TERF2IP: variants seen among roughly 807,000 people sequenced by gnomAD.
TERF2IP encodes telomeric repeat-binding factor 2-interacting protein 1.
Under a neutral mutation model 33.3 loss-of-function variants are expected in TERF2IP, and 35 were observed. The ratio of observed to expected loss-of-function variants is 1.05; its 90% confidence interval spans 0.80 to 1.39. TERF2IP has a LOEUF of 1.39. TERF2IP is among the 40% of genes most tolerant of loss of function. TERF2IP has a pLI of 0.00. For missense variants in TERF2IP, 583 were observed against 524.8 expected (o/e 1.11, Z -1.08); for synonymous variants, 253 against 223.2 (o/e 1.13, Z -1.19).
Position 75,648,468 on chromosome 16 carries a change from C to A in TERF2IP, c.586C>A (p.Leu196Met). 2 of 1,597,516 alleles carry A rather than the reference C, an allele frequency of 1.3e-6. No individual in the cohort carries two copies. The highest frequency in any genetic ancestry group is 1.3e-5 in the African/African-American group (1 of 74,944). ...CCTGCGGGGCCAGGAGCATAAGTACCTGCTGGGGGACGCGCCGGTGAGCCC... is the reference window on the plus strand; with the variant it reads ...CCTGCGGGGCCAGGAGCATAAGTACATGCTGGGGGACGCGCCGGTGAGCCC... ...KHLRGQEHKY[L>M]LGDAPVSPSS... Residue 196 changes from leucine (L) to methionine (M), a missense_variant, in exon 1 of 3, where the codon CTG becomes ATG. Leu to Met is a conservative substitution (Grantham distance 15, BLOSUM62 2). Coordinates refer to ENST00000300086, the MANE Select transcript of TERF2IP (RefSeq NM_018975.4).
rs373007898 is a variant in TERF2IP at position 75,653,167 on chromosome 16, A to G, written c.671-1106A>G. Reference sequence around the variant, plus strand: ...ATTTTGTTTTTCCATTAATGTATCAATTGACATTTGGCTTATTTCCATCTT... The same window carrying G: ...ATTTTGTTTTTCCATTAATGTATCAGTTGACATTTGGCTTATTTCCATCTT... On this transcript the variant is annotated intron_variant, in intron 1 of 2. Coordinates refer to ENST00000300086, the MANE Select transcript of TERF2IP (RefSeq NM_018975.4). Among the ~76,000 whole-genome samples, 7 of 152,264 alleles carry G rather than the reference A, an allele frequency of 4.6e-5. No homozygotes were observed. In the East Asian group the frequency reaches 5.8e-4, roughly 13 times the overall value.
chr16:75,648,065 C>T lies in TERF2IP; in HGVS notation c.183C>T (p.Ala61=), dbSNP rs746076885. The change falls in exon 1 of 3, where the codon GCC becomes GCT. Residue 61 remains alanine, a synonymous_variant. Coordinates refer to ENST00000300086, the MANE Select transcript of TERF2IP (RefSeq NM_018975.4). Reference sequence around the variant, plus strand: ...TGTGCCGAGTGCAGGAGCCCGGGGCCGTGCTGCTGGCCCAGCCCGGGGAGG... The same window carrying T: ...TGTGCCGAGTGCAGGAGCCCGGGGCTGTGCTGCTGGCCCAGCCCGGGGAGG... ...GTVCRVQEPG[A]VLLAQPGEAL... 12 of 1,589,182 alleles carry T rather than the reference C, an allele frequency of 7.6e-6. No individual in the cohort carries two copies. The Admixed American group carries it at 2.0e-4, about 26-fold the overall frequency.
chr16:75,648,566 G>A lies in TERF2IP; in HGVS notation c.670+14G>A. ...CGGATAGCGGGGGTGAGGAGGCTGA[G>A]CGCGGGGCCTCGCGGATATCTGCGC... On this transcript the variant is annotated intron_variant, in intron 1 of 2. Transcript: ENST00000300086. 17 of 1,526,764 alleles carry A rather than the reference G, an allele frequency of 1.1e-5. No homozygotes were observed. Among genetic ancestry groups the A allele is most frequent in the Non-Finnish European group, 1.5e-5 (17 of 1,132,374 alleles). The allele number at this position is 1,526,764 out of a possible 1,614,324, so 94.6% of individuals were successfully genotyped here.
chr16:75,650,946 T>A (rs571927749), intron 1 of TERF2IP, among the ~76,000 whole-genome samples: 1 of 152,172 alleles, frequency 6.6e-6, no homozygotes, highest in African/African-American at 2.4e-5. Flanking sequence ...CTTTTGATAA[T>A]CAGATATTTA....
In TERF2IP at chr16:75,647,945, C is replaced by A; in HGVS notation, c.63C>A (p.Phe21Leu). The A allele has an allele frequency of 6.2e-7, 1 of 1,613,606 alleles. No homozygotes were observed. Among genetic ancestry groups the A allele is most frequent in the Non-Finnish European group, 8.5e-7 (1 of 1,179,686 alleles). The change falls in exon 1 of 3, where the codon TTC (phenylalanine) becomes TTA (leucine). Residue 21 changes from phenylalanine (F) to leucine (L), a missense_variant. Phe to Leu is a conservative substitution (Grantham distance 22). Transcript: ENST00000300086. ...PNGPTHSSTLFVRDDGSSMSF... is the reference protein window; with the variant it reads ...PNGPTHSSTLLVRDDGSSMSF... Reference sequence around the variant, plus strand: ...GGCCCACCCATTCCTCGACTCTGTTCGTGAGGGACGACGGCAGCTCCATGT... The same window carrying A: ...GGCCCACCCATTCCTCGACTCTGTTAGTGAGGGACGACGGCAGCTCCATGT...
At chr16:75,648,746 G>C (rs937491357) in intron 1 of TERF2IP, 194 bp downstream of exon 1, 1 of 1,408,950 alleles carries the variant, frequency 7.1e-7, no homozygotes, top group Non-Finnish European at 9.3e-7. Context: ...CTTTTTTTGC[G>C]ATGGGTCTCT....
chr16:75,656,784 G>A lies in TERF2IP; in HGVS notation c.*173G>A. ...TGTAGCCAAGCAGAGTTGTAGAGGGGGATAAAAAGAAAAGAAATTGGATGT... is the reference window on the plus strand; with the variant it reads ...TGTAGCCAAGCAGAGTTGTAGAGGGAGATAAAAAGAAAAGAAATTGGATGT... On this transcript the variant is annotated 3_prime_UTR_variant, in exon 3 of 3. Coordinates refer to ENST00000300086, the MANE Select transcript of TERF2IP (RefSeq NM_018975.4). 2 of 609,742 alleles carry A rather than the reference G, an allele frequency of 3.3e-6. No individual in the cohort carries two copies. The highest frequency in any genetic ancestry group is 2.2e-5 in the South Asian group (1 of 44,776). 37.8% of individuals were successfully genotyped at this position (609,742 alleles called of 1,614,324 possible). A position where few individuals can be genotyped will look rare whatever the true frequency, so the allele number is the denominator to read the frequency against.
At chr16:75,654,434 A>G (rs914238016) in intron 2 of TERF2IP, 37 bp downstream of exon 2, 7 of 1,597,082 alleles carry the variant, frequency 4.4e-6, no homozygotes, top group East Asian at 2.2e-5. Context: ...TTTTTTCCCT[A>G]CCTTCATTCT....
Position 75,648,308 on chromosome 16 carries a change from A to G in TERF2IP, c.426A>G (p.Val142=). Residue 142 remains valine, a synonymous_variant, in exon 1 of 3, where the codon GTA becomes GTG. Coordinates refer to ENST00000300086, the MANE Select transcript of TERF2IP (RefSeq NM_018975.4). ...TCGCCTTCACGGATGCGGACGACGT[A>G]GCCATCCTTACCTACGTGAAGGAAA... ...GRIAFTDADD[V]AILTYVKENA... is the part of the protein sequence containing the mutation. 1.9e-6 allele frequency: 3 copies of G among 1,559,196 alleles called. No homozygotes were observed. Among genetic ancestry groups the G allele is most frequent in the Non-Finnish European group, 2.6e-6 (3 of 1,151,370 alleles).
intron 1 of TERF2IP, 169 bp downstream of exon 1, chr16:75,648,721 T>C (rs946261948): frequency 7.0e-7 from 1 of 1,427,228 alleles, no homozygotes; most frequent in Non-Finnish European, 9.1e-7. Flanking sequence ...CGCTCCCTTG[T>C]TGTTTATTAT....
At chr16:75,653,752 G>C (rs1388584683) in intron 1 of TERF2IP, among the ~76,000 whole-genome samples, 1 of 152,086 alleles carries the variant, frequency 6.6e-6, no homozygotes, top group Admixed American at 6.5e-5. Context: ...GCCCCAGCTT[G>C]GTCAGTTCTG....
intron 1 of TERF2IP, among the ~76,000 whole-genome samples, chr16:75,653,722 G>A (rs536065578): frequency 6.6e-6 from 1 of 152,166 alleles, no homozygotes; most frequent in Non-Finnish European, 1.5e-5. Context: ...TATTTGCAGA[G>A]TTACAAAGTC....
Position 75,648,240 on chromosome 16 carries a change from G to T in TERF2IP, c.358G>T (p.Glu120Ter). 1 of 1,545,200 alleles carries T rather than the reference G, an allele frequency of 6.5e-7. No homozygotes were observed. The highest frequency in any genetic ancestry group is 8.7e-7 in the Non-Finnish European group (1 of 1,145,016). Residue 120 changes from glutamate (E) to a stop codon, truncating the protein, a stop_gained, in exon 1 of 3, where the codon GAG (glutamate) becomes TAG (stop). Coordinates refer to ENST00000300086, the MANE Select transcript of TERF2IP (RefSeq NM_018975.4). LOFTEE classifies it high-confidence loss of function. ...GSEAKPGALA[E>*]GAAEPEPQRH... ...GGAAGCAAAGCCCGGGGCCCTGGCC[G>T]AGGGCGCCGCGGAGCCGGAGCCGCA...
Position 75,656,656 on chromosome 16 carries a change from G to A in TERF2IP, c.*45G>A. Reference sequence around the variant, plus strand: ...AGAAAAAAGTCATGGTAGGTGAGGTGGTTAAAAAAAATTGTGACCAATGAA... The same window carrying A: ...AGAAAAAAGTCATGGTAGGTGAGGTAGTTAAAAAAAATTGTGACCAATGAA... On this transcript the variant is annotated 3_prime_UTR_variant, in exon 3 of 3. Coordinates refer to ENST00000300086, the MANE Select transcript of TERF2IP (RefSeq NM_018975.4). 1.3e-6 allele frequency: 2 copies of A among 1,524,056 alleles called. No homozygotes were observed. Among genetic ancestry groups the A allele is most frequent in the South Asian group, 1.3e-5 (1 of 76,356 alleles). The allele number at this position is 1,524,056 out of a possible 1,614,324, so 94.4% of individuals were successfully genotyped here.
In TERF2IP at chr16:75,648,344, GC is replaced by G; in HGVS notation, c.465del (p.Ser156AlafsTer25). 1 of 1,589,972 alleles carries G rather than the reference GC, an allele frequency of 6.3e-7. No homozygotes were observed. Among genetic ancestry groups the G allele is most frequent in the Non-Finnish European group, 8.6e-7 (1 of 1,168,644 alleles). ...LTYVKENARS[P>X]SSVTGNALWK... ...CCTACGTGAAGGAAAATGCCCGCTC[GC>G]CCAGCTCCGTCACCGGTAACGCCTT... On this transcript the variant is annotated frameshift_variant, in exon 1 of 3. Transcript: ENST00000300086. LOFTEE classifies it high-confidence loss of function.
intron 1 of TERF2IP, 78 bp from the exon 2 acceptor site, chr16:75,654,195 A>G: frequency 2.6e-6 from 3 of 1,157,512 alleles, no homozygotes; most frequent in Admixed American, 2.4e-5. Context: ...CTCCTGGCCC[A>G]GAGCTCACAC....
chr16:75,652,182 T>C (rs2082352642), intron 1 of TERF2IP, among the ~76,000 whole-genome samples: 2 of 152,220 alleles, frequency 1.3e-5, no homozygotes, highest in Admixed American at 1.3e-4. Context: ...CTGGGTCCTT[T>C]CCTAGGGGCA....
chr16:75,655,077 T>C (rs557714693), intron 2 of TERF2IP, among the ~76,000 whole-genome samples: 45 of 152,178 alleles, frequency 3.0e-4, no homozygotes, highest in Admixed American at 5.9e-4. Flanking sequence ...AGTGCAGTGG[T>C]GCCATCTCAG....
intron 2 of TERF2IP, among the ~76,000 whole-genome samples, chr16:75,655,051 CTG>C (rs1323542429): frequency 6.6e-6 from 1 of 152,142 alleles, no homozygotes; most frequent in Non-Finnish European, 1.5e-5. Context: ...GAGTCTCACT[CTG>C]TCACCCAGGC....
Sources: gnomAD v4.1 joint callset for allele counts (sites outside exome capture counted in the v4.1 genomes callset) on GRCh38, gnomAD v4.1.1 for gene constraint, MANE v1.5 for transcripts, NCBI Gene and HGNC (gene_info 2026-07-23, HGNC 2026-07-21) for gene names.